Variants in KCNN3 observed in about 807,000 individuals in gnomAD.
KCNN3 encodes the protein small conductance calcium-activated potassium channel protein 3.
A neutral mutation model predicts 62.9 loss-of-function variants in KCNN3; 16 were observed. That is an observed-to-expected ratio of 0.25 (90% CI 0.17 to 0.39). The LOEUF (loss-of-function observed/expected upper bound fraction) is 0.39. Among genes scored for constraint, KCNN3 ranks in the 10% least tolerant of loss-of-function variants. The pLI is 1.00. For synonymous variants in KCNN3, 370 were observed against 389.2 expected, an observed-to-expected ratio of 0.95 and a Z score of 0.58; for missense variants, 599 against 949.4, an observed-to-expected ratio of 0.63 and a Z score of 4.85.
At chr1:154,858,882 G>C (rs558233396) in intron 1 of KCNN3, among the ~76,000 whole-genome samples, 4 of 152,226 alleles carry the variant, frequency 2.6e-5, no homozygotes, top group Admixed American at 2.6e-4. Flanking sequence ...TGGGCCTTGG[G>C]GTCCTATAAG....
Position 154,742,557 on chromosome 1 carries a change from A to G in KCNN3, c.1449-9413T>C, listed in dbSNP as rs147881587. Among the ~76,000 whole-genome samples, 46 of 152,344 alleles carry G rather than the reference A, an allele frequency of 3.0e-4. No individual in the cohort carries two copies. In the East Asian group the frequency reaches 8.3e-3, roughly 27 times the overall value. On this transcript the variant is annotated intron_variant, in intron 3 of 7. Coordinates refer to ENST00000271915, the MANE Select transcript of KCNN3 (RefSeq NM_002249.6). Reference sequence around the variant, plus strand: ...GCCGGGCACATAGGTGCACTAAAAAAAAGTGCTATTTTCATCTCGTGTGTC... The same window carrying G: ...GCCGGGCACATAGGTGCACTAAAAAGAAGTGCTATTTTCATCTCGTGTGTC...
intron 3 of KCNN3, among the ~76,000 whole-genome samples, chr1:154,753,280 G>A (rs1272576804): frequency 6.6e-6 from 1 of 151,630 alleles, no homozygotes; most frequent in Non-Finnish European, 1.5e-5. Flanking sequence ...CCCACCCCTC[G>A]AAAACAGACA....
In KCNN3 at chr1:154,714,926, G is replaced by A. The variant is rs768149702; in HGVS notation, c.1779C>T (p.Asp593=). ...YKHTKLLKKI[D]HAKVRKHQRK... is the part of the protein sequence containing the mutation. ...TCTGGTGTTTCCTCACTTTGGCATGGTCAATCTTCTTTAGCAGCTTTGTGT... is the reference window on the plus strand; with the variant it reads ...TCTGGTGTTTCCTCACTTTGGCATGATCAATCTTCTTTAGCAGCTTTGTGT... The change falls in exon 6 of 8, where the codon GAC becomes GAT. Residue 593 remains aspartate, a synonymous_variant. Coordinates refer to ENST00000271915, the MANE Select transcript of KCNN3 (RefSeq NM_002249.6). 1 of 1,613,684 alleles carries A rather than the reference G, an allele frequency of 6.2e-7. No individual in the cohort carries two copies.
At chr1:154,735,650 C>T (rs1275586428) in intron 3 of KCNN3, among the ~76,000 whole-genome samples, 1 of 152,130 alleles carries the variant, frequency 6.6e-6, no homozygotes, top group Non-Finnish European at 1.5e-5. Flanking sequence ...TACCCCTGAC[C>T]GTGACCCAGC....
In KCNN3 at chr1:154,700,934, T is replaced by C. The variant is rs1055214335; in HGVS notation, c.*7042A>G. ...ATTGAAAATAAGCCAATTTCCATTA[T>C]CCGGTGAGTAAGTAACCTGATAAAA... On this transcript the variant is annotated 3_prime_UTR_variant, in exon 8 of 8. Transcript: ENST00000271915. 1 of 152,180 alleles carries C rather than the reference T, an allele frequency of 6.6e-6. No individual in the cohort carries two copies. The highest frequency in any genetic ancestry group is 1.5e-5 in the Non-Finnish European group (1 of 68,028). The allele number at this position is 152,180 out of a possible 1,614,324, so 9.4% of individuals were successfully genotyped here.
intron 2 of KCNN3, among the ~76,000 whole-genome samples, chr1:154,781,389 C>T (rs1438190513): frequency 1.3e-5 from 2 of 152,194 alleles, no homozygotes; most frequent in Non-Finnish European, 2.9e-5. Context: ...GACTTGGATG[C>T]AATTTGTGGT....
intron 1 of KCNN3, among the ~76,000 whole-genome samples, chr1:154,824,825 C>A (rs761334777): frequency 6.6e-6 from 1 of 152,130 alleles, no homozygotes; most frequent in African/African-American, 2.4e-5. Context: ...AGCTCAAAAC[C>A]TTTACATGAA....
At chr1:154,757,528 T>C (rs539659205) in intron 3 of KCNN3, among the ~76,000 whole-genome samples, 72 of 152,238 alleles carry the variant, frequency 4.7e-4, no homozygotes, top group African/African-American at 1.6e-3. Flanking sequence ...CTGTCAAGAG[T>C]GCCCAATCTA....
At chr1:154,830,442 C>T (rs1651335686) in intron 1 of KCNN3, among the ~76,000 whole-genome samples, 1 of 152,236 alleles carries the variant, frequency 6.6e-6, no homozygotes. Context: ...CCGGTCCCAC[C>T]TGCTCTCTGA....
At chr1:154,836,429 C>G (rs557286072) in intron 1 of KCNN3, among the ~76,000 whole-genome samples, 25 of 152,198 alleles carry the variant, frequency 1.6e-4, no homozygotes, top group Non-Finnish European at 3.5e-4. Flanking sequence ...TCCAAAGCCT[C>G]GTTTTACAGA....
chr1:154,797,703 A>AT (rs1408559333), intron 2 of KCNN3, among the ~76,000 whole-genome samples: 1 of 152,156 alleles, frequency 6.6e-6, no homozygotes, highest in East Asian at 1.9e-4. Context: ...CACTCTTTCA[A>AT]TTTTTGGTAA....
intron 2 of KCNN3, among the ~76,000 whole-genome samples, chr1:154,806,577 T>C (rs79393927): frequency 0.017 from 2,583 of 152,336 alleles, 67 homozygotes; most frequent in African/African-American, 0.053. Flanking sequence ...TTCCATGTCA[T>C]ACCATATTTC....
intron 1 of KCNN3, among the ~76,000 whole-genome samples, chr1:154,858,720 C>T (rs1467826829): frequency 4.0e-5 from 6 of 151,244 alleles, no homozygotes; most frequent in Admixed American, 2.0e-4. Context: ...TGAGTAGCCT[C>T]GGACAAGTCA....
rs1651328093 is a variant in KCNN3, at chr1:154,830,246, C to T, written c.934-8062G>A. Among the ~76,000 whole-genome samples, 2 of 152,216 alleles carry T rather than the reference C, an allele frequency of 1.3e-5. 1 individual carries two copies. The highest frequency in any genetic ancestry group is 4.8e-5 in the African/African-American group (2 of 41,464). Reference sequence around the variant, plus strand: ...TGCTAATTTCGTTAGGTCCTCAGAACAACCCATGGCCCCATTCTAGAGATG... The same window carrying T: ...TGCTAATTTCGTTAGGTCCTCAGAATAACCCATGGCCCCATTCTAGAGATG... On this transcript the variant is annotated intron_variant, in intron 1 of 7. Transcript: ENST00000271915.
intron 2 of KCNN3, among the ~76,000 whole-genome samples, chr1:154,783,440 C>T (rs1393968804): frequency 6.6e-6 from 1 of 152,140 alleles, no homozygotes; most frequent in Non-Finnish European, 1.5e-5. Flanking sequence ...GATACAATAT[C>T]CATTTATCAT....
chr1:154,806,817 T>C (rs1373489571), intron 2 of KCNN3, among the ~76,000 whole-genome samples: 2 of 152,228 alleles, frequency 1.3e-5, no homozygotes, highest in Non-Finnish European at 2.9e-5. Context: ...ATTGCAGTTC[T>C]GTATAATGTT....
chr1:154,767,040 G>A (rs1243759736), intron 3 of KCNN3, among the ~76,000 whole-genome samples: 1 of 152,078 alleles, frequency 6.6e-6, no homozygotes, highest in South Asian at 2.1e-4. Context: ...GAGGTTGTGG[G>A]AAGGAGATGG....
At chr1:154,829,646 G>T (rs1002178210) in intron 1 of KCNN3, among the ~76,000 whole-genome samples, 1 of 152,156 alleles carries the variant, frequency 6.6e-6, no homozygotes, top group African/African-American at 2.4e-5. Flanking sequence ...ATCAGGATGC[G>T]GGGTCTGACC....
At chr1:154,785,506 T>C (rs1244803517) in intron 2 of KCNN3, among the ~76,000 whole-genome samples, 1 of 151,836 alleles carries the variant, frequency 6.6e-6, no homozygotes, top group Non-Finnish European at 1.5e-5. Context: ...GGGGCAGCAC[T>C]TCAAACAGCA....
Sources: gnomAD v4.1 joint callset for allele counts (sites outside exome capture counted in the v4.1 genomes callset) on GRCh38, gnomAD v4.1.1 for gene constraint, MANE v1.5 for transcripts, NCBI Gene and HGNC (gene_info 2026-07-23, HGNC 2026-07-21) for gene names.